HADHA: variants seen among roughly 807,000 people sequenced by gnomAD.
HADHA encodes the protein hydroxyacyl-CoA dehydrogenase trifunctional multienzyme complex subunit alpha.
A neutral mutation model predicts 91.3 loss-of-function variants in HADHA; 59 were observed. The ratio of observed to expected loss-of-function variants is 0.65; its 90% CI spans 0.52 to 0.80. HADHA has a LOEUF of 0.80. HADHA is among the 30% of genes least tolerant of loss of function. The pLI is 0.00. For synonymous variants in HADHA, 320 were observed against 338.9 expected, an observed-to-expected ratio of 0.94 and a Z score of 0.61; for missense variants, 800 against 927.6, an observed-to-expected ratio of 0.86 and a Z score of 1.79.
chr2:26,197,287 G>A (rs1194914795), intron 14 of HADHA, among the ~76,000 whole-genome samples: 1 of 152,114 alleles, frequency 6.6e-6, no homozygotes, highest in Non-Finnish European at 1.5e-5. Flanking sequence ...GCAAACCCAC[G>A]GGCAGACACA....
intron 1 of HADHA, among the ~76,000 whole-genome samples, chr2:26,242,863 T>C (rs986767840): frequency 6.6e-6 from 1 of 152,206 alleles, no homozygotes; most frequent in Non-Finnish European, 1.5e-5. Flanking sequence ...GCCATTCTCC[T>C]GCCTCAGCCT....
chr2:26,204,511 C>T (rs545738760), intron 11 of HADHA, among the ~76,000 whole-genome samples: 5 of 152,232 alleles, frequency 3.3e-5, no homozygotes, highest in East Asian at 3.9e-4. Context: ...TTTTGTTTTT[C>T]GAACAAAAAG....
In HADHA at chr2:26,195,118, G is replaced by C; in HGVS notation, c.1594C>G (p.Gln532Glu). ...TTAACCACAATGATGACCTTCCCCT[G>C]CTTGAGACCAACTGCTACAGCTGAA... ...SASAVAVGLK[Q>E]GKVIIVVKDG... Residue 532 changes from glutamine (Q) to glutamate (E), a missense_variant, in exon 15 of 20, where the codon CAG becomes GAG. Transcript: ENST00000380649. 1 of 1,613,268 alleles carries C rather than the reference G, an allele frequency of 6.2e-7. No individual in the cohort carries two copies. The highest frequency in any genetic ancestry group is 8.5e-7 in the Non-Finnish European group (1 of 1,179,370).
Position 26,193,591 on chromosome 2 carries a change from G to A in HADHA, c.1871C>T (p.Ser624Phe). 1 of 1,613,508 alleles carries A rather than the reference G, an allele frequency of 6.2e-7. No individual in the cohort carries two copies. Reference sequence around the variant, plus strand: ...AGGCTACTCACCTAGGAAGCCCTTGGACACCATCTGTGTCAGCAGTTCTGG... The same window carrying A: ...AGGCTACTCACCTAGGAAGCCCTTGAACACCATCTGTGTCAGCAGTTCTGG... Reference protein sequence around the residue: ...GNPELLTQMVSKGFLGRKSGK... With the variant: ...GNPELLTQMVFKGFLGRKSGK... Residue 624 changes from serine (S) to phenylalanine (F), a missense_variant, in exon 17 of 20, where the codon TCC (serine) becomes TTC (phenylalanine). Coordinates refer to ENST00000380649, the MANE Select transcript of HADHA (RefSeq NM_000182.5).
At chr2:26,230,415 TA>T in intron 6 of HADHA, 121 bp from the exon 7 acceptor site, 1 of 734,616 alleles carries the variant, frequency 1.4e-6, no homozygotes, top group Non-Finnish European at 2.5e-6. Flanking sequence ...ATGTTTATGC[TA>T]TTTGTCAACA....
rs756791832 is a variant in HADHA, at chr2:26,214,294, A to C, written c.918+149T>G. On this transcript the variant is annotated intron_variant, in intron 9 of 19. Transcript: ENST00000380649. This position sits in a 1 kb window ranked among gnomAD's most constrained non-coding sequence, Gnocchi z 4.1. ...TTTATATGAGTCCTTACAGCTTGCTATGCCCTTCCCTTATTTTTGGTAAAT... is the reference window on the plus strand; with the variant it reads ...TTTATATGAGTCCTTACAGCTTGCTCTGCCCTTCCCTTATTTTTGGTAAAT... 2.7e-6 allele frequency: 2 copies of C among 729,146 alleles called. No individual in the cohort carries two copies. The highest frequency in any genetic ancestry group is 1.9e-5 in the Admixed American group (1 of 52,868). 45.2% of individuals were successfully genotyped at this position (729,146 alleles called of 1,614,324 possible). A position where few individuals can be genotyped will look rare whatever the true frequency, so the allele number is the denominator to read the frequency against.
chr2:26,225,266 A>T (rs1670459756), intron 7 of HADHA, among the ~76,000 whole-genome samples: 1 of 152,082 alleles, frequency 6.6e-6, no homozygotes, highest in African/African-American at 2.4e-5. Context: ...AGGTAGGTGG[A>T]TCATGAGGTC....
chr2:26,226,222 C>A (rs1670481484), intron 7 of HADHA, among the ~76,000 whole-genome samples: 1 of 152,114 alleles, frequency 6.6e-6, no homozygotes, highest in African/African-American at 2.4e-5. Flanking sequence ...GATGAAATGA[C>A]TCAATATTTT....
chr2:26,198,207 C>G (rs903080903), intron 13 of HADHA, among the ~76,000 whole-genome samples: 6 of 152,118 alleles, frequency 3.9e-5, no homozygotes, highest in African/African-American at 1.4e-4. Flanking sequence ...CCAAAATGTG[C>G]ATGCTTGTCT....
At chr2:26,208,771 G>T (rs115510640) in intron 11 of HADHA, among the ~76,000 whole-genome samples, 12 of 152,312 alleles carry the variant, frequency 7.9e-5, no homozygotes, top group Non-Finnish European at 1.8e-4. Flanking sequence ...TCAAGGTTAG[G>T]TGGAACAAAT....
At chr2:26,199,907 G>C (rs1178536392) in intron 13 of HADHA, among the ~76,000 whole-genome samples, 1 of 152,170 alleles carries the variant, frequency 6.6e-6, no homozygotes, top group East Asian at 1.9e-4. Flanking sequence ...ATGCAGCCCA[G>C]GAGTGACCCC....
intron 10 of HADHA, among the ~76,000 whole-genome samples, chr2:26,211,062 C>G (rs1670088565): frequency 6.6e-6 from 1 of 152,128 alleles, no homozygotes. Flanking sequence ...GATGTTTTAT[C>G]TAATAAACCA....
At chr2:26,236,359 G>GTGTATA (rs141555532) in intron 4 of HADHA, among the ~76,000 whole-genome samples, 13 of 137,926 alleles carry the variant, frequency 9.4e-5, no homozygotes, top group South Asian at 4.7e-4. Flanking sequence ...GTGTGTGTGT[G>GTGTATA]TATATATATA....
chr2:26,205,568 C>T lies in HADHA; in HGVS notation c.1086-1372G>A, dbSNP rs75622556. Reference sequence around the variant, plus strand: ...GGCACAGTGGCTTACGCCTGTAATCCCAGCTCTTTCTTTGAGAGGCCAAGG... The same window carrying T: ...GGCACAGTGGCTTACGCCTGTAATCTCAGCTCTTTCTTTGAGAGGCCAAGG... On this transcript the variant is annotated intron_variant, in intron 11 of 19. Coordinates refer to ENST00000380649, the MANE Select transcript of HADHA (RefSeq NM_000182.5). 2.4e-3 allele frequency among the ~76,000 whole-genome samples: 371 copies of T among 152,230 alleles called. 12 individuals carry two copies. The East Asian group carries it at 0.056, about 23-fold the overall frequency.
chr2:26,214,645 A>T lies in HADHA; in HGVS notation c.800-84T>A, dbSNP rs1670176200. On this transcript the variant is annotated intron_variant, in intron 8 of 19. Coordinates refer to ENST00000380649, the MANE Select transcript of HADHA (RefSeq NM_000182.5). The surrounding 1 kb of genome is among the most constrained non-coding windows in gnomAD (Gnocchi z 4.1). The stretch of plus-strand genomic sequence containing the variant: ...TTATGCTCTAAACTCTATAAAAATG[A>T]AGTAATTCTAGCTATCTGCAAGAAC... The T allele has an allele frequency of 1.3e-6, 1 of 799,156 alleles. No homozygotes were observed. The highest frequency in any genetic ancestry group is 1.8e-5 in the Admixed American group (1 of 54,364). The allele number at this position is 799,156 out of a possible 1,614,324, so 49.5% of individuals were successfully genotyped here.
intron 13 of HADHA, among the ~76,000 whole-genome samples, chr2:26,198,952 T>A (rs964964033): frequency 3.3e-5 from 5 of 151,824 alleles, no homozygotes; most frequent in Admixed American, 3.3e-4. Flanking sequence ...TAGAGTGCAG[T>A]GGTGCAATCT....
intron 12 of HADHA, 104 bp from the exon 13 acceptor site, chr2:26,201,424 G>A: frequency 1.3e-6 from 1 of 772,892 alleles, no homozygotes; most frequent in East Asian, 2.5e-5. Flanking sequence ...ACTCTGTGAG[G>A]TAGTTATTCT....
intron 7 of HADHA, among the ~76,000 whole-genome samples, chr2:26,218,657 G>C (rs1014977712): frequency 2.6e-5 from 4 of 152,026 alleles, no homozygotes; most frequent in Non-Finnish European, 4.4e-5. Context: ...CAAAAATGGG[G>C]AGTATACAAA....
chr2:26,239,262 T>C, intron 1 of HADHA, 119 bp from the exon 2 acceptor site: 1 of 770,350 alleles, frequency 1.3e-6, no homozygotes, highest in South Asian at 1.4e-5. Flanking sequence ...CTGTACAATG[T>C]ATTCTAGGCC....
Sources: allele counts gnomAD v4.1 joint callset (sites outside exome capture counted in the v4.1 genomes callset), GRCh38; gene constraint gnomAD v4.1.1; non-coding constraint Gnocchi (gnomAD v3.1); transcripts MANE v1.5; gene names NCBI Gene and HGNC (gene_info 2026-07-23, HGNC 2026-07-21).